GRID2: variants seen among roughly 807,000 people sequenced by gnomAD.
The protein encoded by GRID2 is glutamate receptor ionotropic, delta-2.
Under a neutral mutation model 114.8 loss-of-function variants are expected in GRID2, and 33 were observed. The observed-to-expected ratio is 0.29, with a 90% CI of 0.22 to 0.38. GRID2 has a LOEUF of 0.38. GRID2 is among the 10% of genes least tolerant of loss of function. GRID2 has a pLI of 1.00. For missense variants in GRID2, 1,184 were observed against 1,257.7 expected (o/e 0.94, Z 0.89); for synonymous variants, 505 against 449.9 (o/e 1.12, Z -1.55).
At chr4:93,529,676 C>A (rs375505388) in intron 13 of GRID2, among the ~76,000 whole-genome samples, 1 of 151,748 alleles carries the variant, frequency 6.6e-6, no homozygotes, top group Non-Finnish European at 1.5e-5. Flanking sequence ...CAAGAGTGTG[C>A]GTGTGTGTGT....
intron 8 of GRID2, among the ~76,000 whole-genome samples, chr4:93,297,502 C>T (rs1381904900): frequency 6.6e-6 from 1 of 152,134 alleles, no homozygotes; most frequent in Non-Finnish European, 1.5e-5. Flanking sequence ...TGTCTGACAG[C>T]ATTTGGCTGC....
At chr4:93,745,288 T>G (rs1731746504) in intron 14 of GRID2, among the ~76,000 whole-genome samples, 1 of 152,168 alleles carries the variant, frequency 6.6e-6, no homozygotes, top group Non-Finnish European at 1.5e-5. Context: ...GTGAACTACA[T>G]TTCCTTTACT....
At chr4:92,406,627 A>T (rs1215265509) in intron 1 of GRID2, among the ~76,000 whole-genome samples, 2 of 151,848 alleles carry the variant, frequency 1.3e-5, no homozygotes, top group Non-Finnish European at 2.9e-5. Flanking sequence ...ACTGAGGCTT[A>T]AGGTCCCAAC....
intron 1 of GRID2, among the ~76,000 whole-genome samples, chr4:93,803,000 T>C (rs1179842066): frequency 6.6e-6 from 1 of 152,170 alleles, no homozygotes; most frequent in African/African-American, 2.4e-5. Flanking sequence ...CAAGCTCTGC[T>C]CCAATGGCCT....
chr4:93,383,828 G>A (rs979975399), intron 8 of GRID2, among the ~76,000 whole-genome samples: 1 of 152,006 alleles, frequency 6.6e-6, no homozygotes, highest in Non-Finnish European at 1.5e-5. Flanking sequence ...CCAAAAATGA[G>A]AAGAGAAAAC....
chr4:92,589,903 C>A (rs78757291), intron 1 of GRID2, among the ~76,000 whole-genome samples: 1 of 152,018 alleles, frequency 6.6e-6, no homozygotes, highest in Non-Finnish European at 1.5e-5. Context: ...ATGACCTCCC[C>A]GCAATAACAC....
intron 2 of GRID2, among the ~76,000 whole-genome samples, chr4:92,738,479 G>A (rs896710470): frequency 9.9e-5 from 15 of 151,914 alleles, no homozygotes; most frequent in Admixed American, 2.6e-4. Flanking sequence ...GCTAGGTAAC[G>A]AATACATATT....
chr4:92,939,783 T>C (rs1220946751), intron 2 of GRID2, among the ~76,000 whole-genome samples: 3 of 147,496 alleles, frequency 2.0e-5, no homozygotes, highest in Non-Finnish European at 3.0e-5. Context: ...TTTCTACATA[T>C]GGCTAGCCAG....
intron 2 of GRID2, among the ~76,000 whole-genome samples, chr4:92,752,265 T>G (rs1737491195): frequency 6.6e-6 from 1 of 152,224 alleles, no homozygotes; most frequent in African/African-American, 2.4e-5. Flanking sequence ...ATGTAATTCT[T>G]TCACTTTTCC....
At chr4:93,225,372 C>T (rs1472238295) in intron 7 of GRID2, among the ~76,000 whole-genome samples, 1 of 152,080 alleles carries the variant, frequency 6.6e-6, no homozygotes, top group African/African-American at 2.4e-5. Flanking sequence ...TTGTTTAGCT[C>T]CTCTCAGTGG....
At chr4:93,280,787 C>A (rs1282651729) in intron 8 of GRID2, among the ~76,000 whole-genome samples, 1 of 151,856 alleles carries the variant, frequency 6.6e-6, no homozygotes, top group Non-Finnish European at 1.5e-5. Flanking sequence ...AGTAATTATT[C>A]AAATATAATA....
chr4:92,531,291 T>G (rs1272691078), intron 1 of GRID2, among the ~76,000 whole-genome samples: 1 of 152,106 alleles, frequency 6.6e-6, no homozygotes, highest in Admixed American at 6.6e-5. Context: ...CAGATTCATT[T>G]TAGATGACCA....
intron 8 of GRID2, among the ~76,000 whole-genome samples, chr4:93,360,190 C>A (rs1407969281): frequency 2.0e-5 from 3 of 151,286 alleles, no homozygotes; most frequent in Non-Finnish European, 4.4e-5. Context: ...GTTCATTTTA[C>A]CAATGTTTTA....
At chr4:92,627,900 C>G (rs1254403423) in intron 2 of GRID2, among the ~76,000 whole-genome samples, 1 of 152,016 alleles carries the variant, frequency 6.6e-6, no homozygotes, top group Non-Finnish European at 1.5e-5. Context: ...GACACTATGG[C>G]CAATTTCATT....
intron 2 of GRID2, among the ~76,000 whole-genome samples, chr4:92,668,036 C>A (rs1397370964): frequency 1.3e-5 from 2 of 151,858 alleles, no homozygotes; most frequent in Non-Finnish European, 1.5e-5. Context: ...CTGTCCTTAT[C>A]CTTTCCTGAT....
chr4:92,457,941 T>C (rs1721297875), intron 1 of GRID2, among the ~76,000 whole-genome samples: 1 of 152,206 alleles, frequency 6.6e-6, no homozygotes, highest in South Asian at 2.1e-4. Flanking sequence ...GTAAATTTTT[T>C]TGCAAATAAT....
At chr4:93,220,753 G>GA (rs1189443025) in intron 6 of GRID2, among the ~76,000 whole-genome samples, 3 of 152,108 alleles carry the variant, frequency 2.0e-5, no homozygotes, top group Non-Finnish European at 4.4e-5. Flanking sequence ...AAACTGCAGT[G>GA]ATAAACATTC....
At chr4:93,022,887 A>T (rs1311349777) in intron 2 of GRID2, among the ~76,000 whole-genome samples, 1 of 151,958 alleles carries the variant, frequency 6.6e-6, no homozygotes, top group Non-Finnish European at 1.5e-5. Context: ...ATTTAAAAAA[A>T]ATTCACTTGT....
intron 13 of GRID2, among the ~76,000 whole-genome samples, chr4:93,576,697 G>C (rs1240862681): frequency 6.6e-6 from 1 of 151,932 alleles, no homozygotes; most frequent in Non-Finnish European, 1.5e-5. Flanking sequence ...CTGTGTTGCT[G>C]GTTCTTCGAT....
Sources: allele counts gnomAD v4.1 joint callset (sites outside exome capture counted in the v4.1 genomes callset), GRCh38; gene constraint gnomAD v4.1.1; transcripts MANE v1.5; gene names NCBI Gene and HGNC (gene_info 2026-07-23, HGNC 2026-07-21).